Variants in LARS2 observed in about 807,000 individuals in gnomAD.
The protein encoded by LARS2 is leucyl-tRNA synthetase 2, mitochondrial, also known as leucine--tRNA ligase, mitochondrial.
Under a neutral mutation model 116.6 loss-of-function variants are expected in LARS2, and 81 were observed. That is an observed-to-expected ratio of 0.69 (90% CI 0.58 to 0.84). The LOEUF (loss-of-function observed/expected upper bound fraction) is 0.84, where lower values mean the gene tolerates loss of function less well. Ranked by LOEUF, LARS2 falls within the 40% of genes least tolerant of loss-of-function variation. The pLI is 0.00. For missense variants in LARS2, 968 were observed against 1,114.5 expected (o/e 0.87, Z 1.87); for synonymous variants, 396 against 407.2 (o/e 0.97, Z 0.33).
rs149064872 is a variant in LARS2 at position 45,400,852 on chromosome 3, C to T, written c.363+479C>T. 4.5e-3 allele frequency among the ~76,000 whole-genome samples: 684 copies of T among 151,888 alleles called. 6 individuals are homozygous for T. Among genetic ancestry groups the T allele is most frequent in the African/African-American group, 0.014 (597 of 41,402 alleles). ...TTTTTGAGGCGGAGTCTTGCTCTGT[C>T]GCCCAGGCTGGAGTGCAGTGACGCA... On this transcript the variant is annotated intron_variant, in intron 4 of 21. Coordinates refer to ENST00000645846, the MANE Select transcript of LARS2 (RefSeq NM_015340.4).
chr3:45,522,123 G>A (rs1227176603), intron 19 of LARS2, among the ~76,000 whole-genome samples: 1 of 152,040 alleles, frequency 6.6e-6, no homozygotes, highest in Non-Finnish European at 1.5e-5. Context: ...AAAAATAAAG[G>A]CATAATTATT....
At chr3:45,470,889 A>T (rs764043778) in intron 8 of LARS2, among the ~76,000 whole-genome samples, 31 of 152,158 alleles carry the variant, frequency 2.0e-4, no homozygotes, top group Middle Eastern at 3.4e-3. Context: ...AGAATCTAAA[A>T]ACCTGATATT....
At chr3:45,433,348 G>C (rs1241901904) in intron 6 of LARS2, among the ~76,000 whole-genome samples, 2 of 151,964 alleles carry the variant, frequency 1.3e-5, no homozygotes, top group African/African-American at 4.8e-5. Context: ...ATTTCTATGA[G>C]TAAATTGAAC....
At chr3:45,526,561 G>A (rs1015136570) in intron 20 of LARS2, among the ~76,000 whole-genome samples, 7 of 152,004 alleles carry the variant, frequency 4.6e-5, no homozygotes, top group African/African-American at 1.2e-4. Flanking sequence ...CCTGCTTATC[G>A]GTAGACAAAA....
rs1700009277 is a variant in LARS2, at chr3:45,496,268, T to G, written c.1524-7T>G. 1 of 1,605,668 alleles carries G rather than the reference T, an allele frequency of 6.2e-7. No individual in the cohort carries two copies. The highest frequency in any genetic ancestry group is 8.5e-7 in the Non-Finnish European group (1 of 1,172,534). ...AAACCAATTGATGAATTTCATTTCT[T>G]TCTTAGGTGCAAGGGAGCAGCCAAG... On this transcript the variant is annotated splice_polypyrimidine_tract_variant and splice_region_variant and intron_variant, in intron 13 of 21. Transcript: ENST00000645846.
intron 21 of LARS2, among the ~76,000 whole-genome samples, chr3:45,546,161 T>C (rs1323135648): frequency 6.6e-6 from 1 of 152,198 alleles, no homozygotes; most frequent in Non-Finnish European, 1.5e-5. Context: ...CTGCATGTCC[T>C]GAGAATTCCC....
intron 6 of LARS2, among the ~76,000 whole-genome samples, chr3:45,444,622 CCACTGCACTCCA>C (rs1472677013): frequency 2.4e-5 from 3 of 127,594 alleles, no homozygotes; most frequent in Admixed American, 1.9e-4. Context: ...CGAGATCCCG[CCACTGCACTCCA>C]GCCTGGGCGA....
intron 20 of LARS2, among the ~76,000 whole-genome samples, chr3:45,525,310 A>G (rs901598886): frequency 2.2e-4 from 33 of 152,190 alleles, no homozygotes; most frequent in African/African-American, 7.7e-4. Flanking sequence ...ATCCTTTTTG[A>G]TATCTAAAGC....
intron 6 of LARS2, among the ~76,000 whole-genome samples, chr3:45,439,538 A>G (rs1698870083): frequency 2.0e-5 from 3 of 151,804 alleles, no homozygotes; most frequent in Admixed American, 2.0e-4. Context: ...ATTTTTAAAC[A>G]GCTGGCCATT....
intron 20 of LARS2, among the ~76,000 whole-genome samples, chr3:45,532,957 G>T (rs1177247008): frequency 6.6e-6 from 1 of 151,898 alleles, no homozygotes; most frequent in Non-Finnish European, 1.5e-5. Flanking sequence ...TTTTTACTGT[G>T]TTACAGCAGA....
At chr3:45,416,409 A>T (rs1202725831) in intron 4 of LARS2, among the ~76,000 whole-genome samples, 3 of 152,056 alleles carry the variant, frequency 2.0e-5, no homozygotes, top group African/African-American at 7.2e-5. Flanking sequence ...GTGCTGAATG[A>T]TGTACATTTA....
intron 8 of LARS2, among the ~76,000 whole-genome samples, chr3:45,462,792 C>T (rs1338678381): frequency 1.3e-5 from 2 of 152,170 alleles, no homozygotes; most frequent in Non-Finnish European, 2.9e-5. Flanking sequence ...AGGAGCCCTC[C>T]TTTCATTCAC....
chr3:45,518,915 G>C (rs1700411114), intron 18 of LARS2, among the ~76,000 whole-genome samples: 1 of 152,112 alleles, frequency 6.6e-6, no homozygotes, highest in South Asian at 2.1e-4. Flanking sequence ...TCTGGCCTCT[G>C]TACCCTCTCT....
chr3:45,530,951 A>T (rs1158579157), intron 20 of LARS2, among the ~76,000 whole-genome samples: 1 of 152,234 alleles, frequency 6.6e-6, no homozygotes, highest in Non-Finnish European at 1.5e-5. Context: ...TAAACTTAGA[A>T]TTAATTCAGG....
intron 11 of LARS2, 71 bp downstream of exon 11, chr3:45,485,867 C>A: frequency 1.1e-6 from 1 of 871,756 alleles, no homozygotes; most frequent in East Asian, 2.5e-5. Flanking sequence ...TCCCCTGTTG[C>A]TGTCATCTGG....
intron 12 of LARS2, among the ~76,000 whole-genome samples, chr3:45,489,114 T>C (rs1413071762): frequency 1.3e-5 from 2 of 152,208 alleles, no homozygotes; most frequent in African/African-American, 4.8e-5. Flanking sequence ...TGACTGAAAT[T>C]GTTTCTTTTT....
intron 6 of LARS2, among the ~76,000 whole-genome samples, chr3:45,436,436 C>T (rs1698802355): frequency 6.6e-6 from 1 of 151,896 alleles, no homozygotes; most frequent in Admixed American, 6.6e-5. Context: ...CAAATTGCAA[C>T]TCAAACCAAT....
chr3:45,504,023 T>C (rs1427667889), intron 15 of LARS2, among the ~76,000 whole-genome samples: 2 of 152,112 alleles, frequency 1.3e-5, no homozygotes, highest in Non-Finnish European at 2.9e-5. Context: ...CTTTGCTTCT[T>C]TGACCTAATA....
chr3:45,533,746 T>C (rs1193459269), intron 20 of LARS2, among the ~76,000 whole-genome samples: 1 of 152,200 alleles, frequency 6.6e-6, no homozygotes, highest in Non-Finnish European at 1.5e-5. Context: ...GCAGGTCTTA[T>C]GGTAGTGTAC....
Sources: gnomAD v4.1 joint callset for allele counts (sites outside exome capture counted in the v4.1 genomes callset) on GRCh38, gnomAD v4.1.1 for gene constraint, MANE v1.5 for transcripts, NCBI Gene and HGNC (gene_info 2026-07-23, HGNC 2026-07-21) for gene names.